The following MACROH2A2 variants were observed in gnomAD, a reference collection of about 807,000 sequenced individuals.
MACROH2A2 encodes core histone macro-H2A.2.
MACROH2A2 carries 6 observed loss-of-function variants against 37.6 expected under a neutral mutation model. That is an observed-to-expected ratio of 0.16 (90% CI 0.09 to 0.32). The LOEUF (loss-of-function observed/expected upper bound fraction) is 0.32. Ranked by LOEUF, MACROH2A2 falls within the 10% of genes least tolerant of loss-of-function variation. MACROH2A2 has a pLI of 1.00. For missense variants in MACROH2A2, 290 were observed against 485.9 expected, an observed-to-expected ratio of 0.60 and a Z score of 3.79; for synonymous variants, 192 against 202.7, an observed-to-expected ratio of 0.95 and a Z score of 0.45.
intron 2 of MACROH2A2, among the ~76,000 whole-genome samples, chr10:70,079,551 T>TCGCGCGCGCG (rs778240404): frequency 1.8e-5 from 2 of 114,092 alleles, no homozygotes; most frequent in Admixed American, 9.0e-5. Context: ...CGTTGAGGGT[T>TCGCGCGCGCG]CGCGCGCGCG....
rs200180409 is a variant in MACROH2A2 at position 70,075,817 on chromosome 10, T to G, written c.159T>G (p.Ile53Met). 210 of 1,612,980 alleles carry G rather than the reference T, an allele frequency of 1.3e-4. No homozygotes were observed. The highest frequency in any genetic ancestry group is 1.1e-4 in the Non-Finnish European group (125 of 1,179,808). ...CCCCTGTCTACATGGCGGCAGTCAT[T>G]GAGTACCTGGCAGGTAATGAGGACA... ...VGAPVYMAAV[I>M]EYLAAEILEL... Residue 53 changes from isoleucine to methionine, a missense_variant, in exon 2 of 9, where the codon ATT becomes ATG. Coordinates refer to ENST00000373255, the MANE Select transcript of MACROH2A2 (RefSeq NM_018649.3). The surrounding 1 kb of genome is among the most constrained non-coding windows in gnomAD (Gnocchi z 5.0).
At chr10:70,098,612 T>G (rs1251607897) in intron 6 of MACROH2A2, 3 of 152,224 alleles carry the variant, frequency 2.0e-5, no homozygotes, top group Non-Finnish European at 4.4e-5. Flanking sequence ...GATTATATCC[T>G]CCTGGCATCA....
chr10:70,075,913 C>G lies in MACROH2A2; in HGVS notation c.172+83C>G. ...CCCCCTCGCAGGCTGGGGAGGGATG[C>G]TCCAAATTGCCTTTTGGCTGGCTCA... On this transcript the variant is annotated intron_variant, in intron 2 of 8. Transcript: ENST00000373255. This position sits in a 1 kb window ranked among gnomAD's most constrained non-coding sequence, Gnocchi z 5.0. The G allele has an allele frequency of 1.7e-6, 2 of 1,192,252 alleles. No homozygotes were observed. The highest frequency in any genetic ancestry group is 2.5e-5 in the East Asian group (1 of 39,514). The allele number at this position is 1,192,252 out of a possible 1,614,324, so 73.9% of individuals were successfully genotyped here.
intron 7 of MACROH2A2, among the ~76,000 whole-genome samples, chr10:70,102,451 G>A (rs564047803): frequency 7.3e-4 from 111 of 152,326 alleles, no homozygotes; most frequent in African/African-American, 2.4e-3. Flanking sequence ...AGGTACTGTG[G>A]CTCATGCGTG....
At chr10:70,079,930 G>T (rs2072165413) in intron 2 of MACROH2A2, among the ~76,000 whole-genome samples, 1 of 152,194 alleles carries the variant, frequency 6.6e-6, no homozygotes, top group African/African-American at 2.4e-5. Flanking sequence ...CTGCCATGGG[G>T]TGAGAAGTAG....
At chr10:70,064,624 G>C (rs1291353543) in intron 1 of MACROH2A2, among the ~76,000 whole-genome samples, 2 of 152,120 alleles carry the variant, frequency 1.3e-5, no homozygotes, top group Non-Finnish European at 2.9e-5. Context: ...GGACTTTCCT[G>C]TGCTATTCTC....
chr10:70,064,960 A>G (rs2072070685), intron 1 of MACROH2A2, among the ~76,000 whole-genome samples: 2 of 151,974 alleles, frequency 1.3e-5, no homozygotes, highest in Non-Finnish European at 1.5e-5. Flanking sequence ...CCACCAACCA[A>G]TGGTTGAAGA....
rs2072347647 is a variant in MACROH2A2 at position 70,107,968 on chromosome 10, C to T, written c.779-1065C>T. Reference sequence around the variant, plus strand: ...GTGTGATGGCTCACGCCTGTAATCCCAGCACTTTGGGTGCCTGAGGCAAGA... The same window carrying T: ...GTGTGATGGCTCACGCCTGTAATCCTAGCACTTTGGGTGCCTGAGGCAAGA... On this transcript the variant is annotated intron_variant, in intron 7 of 8. Transcript: ENST00000373255. The surrounding 1 kb of genome is among the most constrained non-coding windows in gnomAD (Gnocchi z 4.4). Among the ~76,000 whole-genome samples the T allele has an allele frequency of 6.6e-6, 1 of 152,168 alleles. No individual in the cohort carries two copies. The highest frequency in any genetic ancestry group is 1.5e-5 in the Non-Finnish European group (1 of 68,030).
intron 1 of MACROH2A2, among the ~76,000 whole-genome samples, chr10:70,057,337 G>A (rs1316362006): frequency 7.4e-6 from 1 of 134,354 alleles, no homozygotes; most frequent in Admixed American, 8.2e-5. Context: ...TCCTTTCATT[G>A]TAGCTACATT....
chr10:70,075,669 G>A lies in MACROH2A2; in HGVS notation c.11G>A (p.Arg4Gln). The A allele has an allele frequency of 1.9e-6, 3 of 1,614,124 alleles. No individual in the cohort carries two copies. The highest frequency in any genetic ancestry group is 1.1e-5 in the South Asian group (1 of 91,070). MSGRSGKKKMSKLS... is the reference protein window; with the variant it reads MSGQSGKKKMSKLS... ...GGAAACTGAAGCAAGATGTCGGGCC[G>A]GAGTGGGAAGAAGAAAATGTCCAAG... Residue 4 changes from arginine (R) to glutamine (Q), a missense_variant, in exon 2 of 9, where the codon CGG (arginine) becomes CAG (glutamine). Arg to Gln is a conservative substitution (Grantham distance 43). This residue lies in a region of MACROH2A2 where 83 missense variants were observed against 159.9 expected (regional missense o/e 0.52). Coordinates refer to ENST00000373255, the MANE Select transcript of MACROH2A2 (RefSeq NM_018649.3). This position sits in a 1 kb window ranked among gnomAD's most constrained non-coding sequence, Gnocchi z 5.0.
At position 70,091,854 on chromosome 10, in the gene MACROH2A2, C is replaced by T. The variant is rs756338712; in HGVS notation, c.377C>T (p.Thr126Met). 5.0e-6 allele frequency: 8 copies of T among 1,613,792 alleles called. No homozygotes were observed. The highest frequency in any genetic ancestry group is 4.4e-5 in the South Asian group (4 of 91,070). Residue 126 changes from threonine to methionine, a missense_variant, in exon 4 of 9, where the codon ACG becomes ATG. Thr to Met is a moderately conservative substitution (Grantham distance 81, BLOSUM62 -1). Transcript: ENST00000373255. The part of the protein sequence containing the change: ...KKRGTKGKSE[T>M]ILSPPPEKRG... ...CGAGGGACCAAAGGCAAGTCGGAAA[C>T]GATCCTCTCCCCACCCCCAGAGAAA...
In MACROH2A2 at chr10:70,091,970, G is replaced by A. The variant is rs576856207; in HGVS notation, c.477+16G>A. The A allele has an allele frequency of 8.7e-6, 14 of 1,604,622 alleles. No homozygotes were observed. The highest frequency in any genetic ancestry group is 3.3e-5 in the Admixed American group (2 of 59,898). On this transcript the variant is annotated intron_variant, in intron 4 of 8. Coordinates refer to ENST00000373255, the MANE Select transcript of MACROH2A2 (RefSeq NM_018649.3). ...GTCCAAAAAGGTAGGCCGAGGCTGC[G>A]TGTCCTGGGCCAGGCACTCCCACTG...
chr10:70,058,559 G>A (rs575515966), intron 1 of MACROH2A2, among the ~76,000 whole-genome samples: 2 of 152,154 alleles, frequency 1.3e-5, no homozygotes, highest in African/African-American at 2.4e-5. Flanking sequence ...ATGACAACAG[G>A]ATAAAAGCAG....
intron 6 of MACROH2A2, among the ~76,000 whole-genome samples, chr10:70,097,999 T>C (rs769968384): frequency 3.3e-5 from 5 of 152,032 alleles, no homozygotes; most frequent in Admixed American, 2.0e-4. Context: ...CCCAGCACTT[T>C]GGGAGGCTGA....
At chr10:70,081,954 CATACATAT>C (rs2072179699) in intron 2 of MACROH2A2, among the ~76,000 whole-genome samples, 1 of 152,038 alleles carries the variant, frequency 6.6e-6, no homozygotes, top group Non-Finnish European at 1.5e-5. Context: ...CTATGTACCC[CATACATAT>C]ATACACCTAC....
At chr10:70,095,225 G>A (rs1477590185) in intron 5 of MACROH2A2, among the ~76,000 whole-genome samples, 1 of 152,136 alleles carries the variant, frequency 6.6e-6, no homozygotes, top group Non-Finnish European at 1.5e-5. Context: ...AAAATTAGCT[G>A]GGCATGGTGG....
chr10:70,102,604 G>A (rs537192573), intron 7 of MACROH2A2, among the ~76,000 whole-genome samples: 1 of 152,124 alleles, frequency 6.6e-6, no homozygotes, highest in South Asian at 2.1e-4. Flanking sequence ...GTAATCCCAA[G>A]CTACTCAGAG....
At chr10:70,064,710 CT>C (rs2072069356) in intron 1 of MACROH2A2, among the ~76,000 whole-genome samples, 1 of 152,074 alleles carries the variant, frequency 6.6e-6, no homozygotes, top group Admixed American at 6.5e-5. Flanking sequence ...TCATTTTTTT[CT>C]TGCTGCTGCC....
chr10:70,081,068 C>CAAAAAAA (rs34688764), intron 2 of MACROH2A2, among the ~76,000 whole-genome samples: 1 of 45,830 alleles, frequency 2.2e-5, no homozygotes, highest in African/African-American at 8.8e-5. Context: ...CCCTGTCTCT[C>CAAAAAAA]AAAAAAAAAA....
Sources: gnomAD v4.1 joint callset for allele counts (sites outside exome capture counted in the v4.1 genomes callset) on GRCh38, gnomAD v4.1.1 for gene constraint, gnomAD v4.1.1 regional missense constraint, Gnocchi (gnomAD v3.1) non-coding constraint, MANE v1.5 for transcripts, NCBI Gene and HGNC (gene_info 2026-07-23, HGNC 2026-07-21) for gene names.